The following TBC1D31 variants were observed in gnomAD, a reference collection of about 807,000 sequenced individuals.
TBC1D31 encodes the protein WD repeat domain 67.
In TBC1D31, 99 loss-of-function variants were observed where a neutral mutation model predicts 132.9. The observed-to-expected ratio is 0.74, with a 90% CI of 0.63 to 0.88. The LOEUF is 0.88. Ranked by LOEUF, TBC1D31 falls within the 40% of genes least tolerant of loss-of-function variation. TBC1D31 has a pLI of 0.00. For synonymous variants in TBC1D31, 385 were observed against 419.4 expected, an observed-to-expected ratio of 0.92 and a Z score of 1.00; for missense variants, 1,134 against 1,256.6, an observed-to-expected ratio of 0.90 and a Z score of 1.48.
intron 11 of TBC1D31, among the ~76,000 whole-genome samples, chr8:123,124,489 T>C (rs1014102458): frequency 2.0e-5 from 3 of 152,134 alleles, no homozygotes; most frequent in Admixed American, 6.5e-5. Context: ...TAGGATATCC[T>C]CTTGCTAAGG....
At chr8:123,161,306 C>T in the TBC1D31 span, among the ~76,000 whole-genome samples, 10 of 152,262 alleles carry the variant, frequency 6.6e-5, no homozygotes, top group African/African-American at 2.4e-4. Flanking sequence ...CCCGCGAAAA[C>T]CTGATCCCCA....
chr8:123,141,481 C>G (rs1045359468), intron 18 of TBC1D31, among the ~76,000 whole-genome samples: 1 of 102,630 alleles, frequency 9.7e-6, no homozygotes, highest in Non-Finnish European at 2.1e-5. Context: ...GAATTTCTTA[C>G]GGAGTACACT....
chr8:123,113,746 A>G (rs1818661942), intron 10 of TBC1D31, among the ~76,000 whole-genome samples: 1 of 151,866 alleles, frequency 6.6e-6, no homozygotes, highest in Non-Finnish European at 1.5e-5. Context: ...CTTCAAAGCA[A>G]TTTTTTTTGT....
chr8:123,083,494 G>A (rs1815397951), intron 3 of TBC1D31: 1 of 152,104 alleles, frequency 6.6e-6, no homozygotes, highest in South Asian at 2.1e-4. Flanking sequence ...CTAGGCTGAA[G>A]TGATTCACCT....
chr8:123,084,092 T>A, intron 3 of TBC1D31, 70 bp from the exon 4 acceptor site: 1 of 1,302,592 alleles, frequency 7.7e-7, no homozygotes, highest in Non-Finnish European at 1.1e-6. Context: ...TCATCTATGG[T>A]GTTTATATGT....
At chr8:123,100,681 C>A in intron 6 of TBC1D31, 126 bp from the exon 7 acceptor site, 1 of 614,836 alleles carries the variant, frequency 1.6e-6, no homozygotes, top group Non-Finnish European at 2.9e-6. Context: ...TTTATACACA[C>A]ATACACACAT....
At chr8:123,160,554 A>G in the TBC1D31 span, among the ~76,000 whole-genome samples, 76 of 151,330 alleles carry the variant, frequency 5.0e-4, no homozygotes, top group African/African-American at 1.7e-3. Flanking sequence ...CCTTGGGCCC[A>G]CTCTCCCGGC....
intron 17 of TBC1D31, 63 bp downstream of exon 17, chr8:123,134,269 C>T (rs1322852238): frequency 3.1e-6 from 4 of 1,295,076 alleles, no homozygotes; most frequent in East Asian, 4.7e-5. Context: ...TGGCTCAAAC[C>T]TGTAATCCCA....
At chr8:123,141,773 G>T (rs1241830502) in intron 18 of TBC1D31, among the ~76,000 whole-genome samples, 1 of 137,144 alleles carries the variant, frequency 7.3e-6, no homozygotes, top group Non-Finnish European at 1.5e-5. Context: ...CATGGAAATT[G>T]TTGAATCCCA....
intron 16 of TBC1D31, 139 bp downstream of exon 16, chr8:123,130,472 C>G (rs1820508468): frequency 1.3e-6 from 1 of 751,444 alleles, no homozygotes. Context: ...TTTACTTTTC[C>G]CCTCAGCTTT....
At chr8:123,126,362 GA>G in intron 12 of TBC1D31, 145 bp from the exon 13 acceptor site, 1 of 1,158,688 alleles carries the variant, frequency 8.6e-7, no homozygotes, top group Admixed American at 2.8e-5. Context: ...AGTCTGTAAA[GA>G]AGGGTCCAAA....
intron 5 of TBC1D31, among the ~76,000 whole-genome samples, chr8:123,096,964 T>C (rs952928269): frequency 6.6e-6 from 1 of 152,220 alleles, no homozygotes; most frequent in African/African-American, 2.4e-5. Context: ...ATAAGTGTTA[T>C]GTGAAAAACC....
At chr8:123,082,924 C>T (rs1378343081) in intron 3 of TBC1D31, 107 bp downstream of exon 3, 5 of 702,086 alleles carry the variant, frequency 7.1e-6, no homozygotes, top group Non-Finnish European at 1.2e-5. Flanking sequence ...CCCATGACAG[C>T]CCTCCCTTCA....
chr8:123,135,044 C>T (rs982667492), intron 17 of TBC1D31, among the ~76,000 whole-genome samples: 17 of 152,266 alleles, frequency 1.1e-4, no homozygotes, highest in South Asian at 2.1e-4. Context: ...GGACTACAGA[C>T]GTGCGCCACC....
intron 4 of TBC1D31, among the ~76,000 whole-genome samples, chr8:123,092,358 A>G (rs1248151625): frequency 1.3e-5 from 2 of 152,140 alleles, no homozygotes; most frequent in Non-Finnish European, 2.9e-5. Context: ...GGGAAGATAT[A>G]TATTTTAAGG....
At chr8:123,135,417 C>T (rs1820997175) in intron 17 of TBC1D31, among the ~76,000 whole-genome samples, 1 of 152,168 alleles carries the variant, frequency 6.6e-6, no homozygotes. Flanking sequence ...CTGGGCAACA[C>T]AGCAAGACCC....
At chr8:123,107,464 C>CA (rs950885787) in intron 8 of TBC1D31, among the ~76,000 whole-genome samples, 1 of 152,146 alleles carries the variant, frequency 6.6e-6, no homozygotes, top group African/African-American at 2.4e-5. Context: ...TAACTCTAAA[C>CA]AAAATATTAC....
chr8:123,090,318 C>T (rs1816202882), intron 4 of TBC1D31, among the ~76,000 whole-genome samples: 1 of 152,132 alleles, frequency 6.6e-6, no homozygotes, highest in African/African-American at 2.4e-5. Context: ...GAATTCAAAC[C>T]TGTCTTTATC....
In TBC1D31 at chr8:123,097,288, C is replaced by T. The variant is rs1816925024; in HGVS notation, c.678C>T (p.Gly226=). Residue 226 remains glycine (G), a synonymous_variant, in exon 6 of 22, where the codon GGC becomes GGT. Transcript: ENST00000287380. ...CACTTTTTTGTTTATATAGAGATGG[C>T]CGAATCCTGGCTGCTGGAGGCAAGT... ...LYKVFAVTRD[G]RILAAGGKSN... 1 of 1,613,906 alleles carries T rather than the reference C, an allele frequency of 6.2e-7. No individual in the cohort carries two copies. Among genetic ancestry groups the T allele is most frequent in the African/African-American group, 1.3e-5 (1 of 74,906 alleles).
Sources: allele counts gnomAD v4.1 joint callset (sites outside exome capture counted in the v4.1 genomes callset), GRCh38; gene constraint gnomAD v4.1.1; transcripts MANE v1.5; gene names NCBI Gene and HGNC (gene_info 2026-07-23, HGNC 2026-07-21).